NET1: variants seen among roughly 807,000 people sequenced by gnomAD.
The protein encoded by NET1 is neuroepithelial cell transforming 1, also known as neuroepithelial cell-transforming gene 1 protein.
In NET1, 42 loss-of-function variants were observed where a neutral mutation model predicts 61.1. That is an observed-to-expected ratio of 0.69 (90% CI 0.54 to 0.89). The LOEUF (loss-of-function observed/expected upper bound fraction) is 0.89, where lower values mean the gene tolerates loss of function less well. NET1 is among the 40% of genes least tolerant of loss of function. The pLI is 0.00. For synonymous variants in NET1, 254 were observed against 281.8 expected, an observed-to-expected ratio of 0.90 and a Z score of 0.99; for missense variants, 654 against 747.3, an observed-to-expected ratio of 0.88 and a Z score of 1.46.
intron 3 of NET1, among the ~76,000 whole-genome samples, chr10:5,448,189 T>A (rs1447235801): frequency 2.0e-5 from 3 of 152,242 alleles, no homozygotes; most frequent in African/African-American, 4.8e-5. Context: ...CTATTTTTTT[T>A]ATTCAGTGTC....
rs542000374 is a variant in NET1 at position 5,452,028 on chromosome 10, C to T, written c.363+91C>T. ...TCTTTGAGCTGTACAAACAAGTTTG[C>T]ATTATTATATTTAAACATAGTTTTC... On this transcript the variant is annotated intron_variant, in intron 4 of 11. Coordinates refer to ENST00000355029, the MANE Select transcript of NET1 (RefSeq NM_001047160.3). This position sits in a 1 kb window ranked among gnomAD's most constrained non-coding sequence, Gnocchi z 4.0. 3.7e-5 allele frequency: 34 copies of T among 925,936 alleles called. No individual in the cohort carries two copies. In the African/African-American group the frequency reaches 4.6e-4, roughly 13 times the overall value. The allele number at this position is 925,936 out of a possible 1,614,324, so 57.4% of individuals were successfully genotyped here. A position where few individuals can be genotyped will look rare whatever the true frequency, so the allele number is the denominator to read the frequency against.
In NET1 at chr10:5,451,173, G is replaced by A. The variant is rs1038462216; in HGVS notation, c.256-657G>A. Among the ~76,000 whole-genome samples the A allele has an allele frequency of 1.3e-5, 2 of 152,148 alleles. No homozygotes were observed. The highest frequency in any genetic ancestry group is 6.6e-5 in the Admixed American group (1 of 15,266). On this transcript the variant is annotated intron_variant, in intron 3 of 11. Coordinates refer to ENST00000355029, the MANE Select transcript of NET1 (RefSeq NM_001047160.3). This position sits in a 1 kb window ranked among gnomAD's most constrained non-coding sequence, Gnocchi z 6.1. ...TTATAGATGAGAAAACTGATGCCAA[G>A]GGTGTGCCCTAGCAAGTGGTAGAGC...
At chr10:5,433,658 A>G (rs1183469431) in intron 3 of NET1, among the ~76,000 whole-genome samples, 1 of 152,192 alleles carries the variant, frequency 6.6e-6, no homozygotes, top group African/African-American at 2.4e-5. Flanking sequence ...GTTCTGGCAT[A>G]AACTATGTCT....
chr10:5,443,592 G>A lies in NET1; in HGVS notation c.256-8238G>A, dbSNP rs553236150. The stretch of plus-strand genomic sequence containing the variant: ...GATTCTTGAGTCCAGTTGAACTTCC[G>A]CATGTTCATCATTCCTTTTTTAGAT... On this transcript the variant is annotated intron_variant, in intron 3 of 11. Transcript: ENST00000355029. This position sits in a 1 kb window ranked among gnomAD's most constrained non-coding sequence, Gnocchi z 4.8. 2.0e-5 allele frequency among the ~76,000 whole-genome samples: 3 copies of A among 152,202 alleles called. No homozygotes were observed. Among genetic ancestry groups the A allele is most frequent in the Non-Finnish European group, 2.9e-5 (2 of 68,012 alleles).
rs1176294034 is a variant in NET1, at chr10:5,415,438, C to CTTT, written c.128+2619_128+2620insTTT. 4.9e-5 allele frequency among the ~76,000 whole-genome samples: 1 copy of CTTT among 20,368 alleles called. No homozygotes were observed. Among genetic ancestry groups the CTTT allele is most frequent in the African/African-American group, 1.2e-4 (1 of 8,256 alleles). 13.4% of individuals were successfully genotyped at this position (20,368 alleles called of 152,430 possible). On this transcript the variant is annotated intron_variant, in intron 1 of 11. Transcript: ENST00000355029. This position sits in a 1 kb window ranked among gnomAD's most constrained non-coding sequence, Gnocchi z 4.7. ...GCCATTTTTGGTGGGCCATCCTTTG[C>CTTT]TCTTTTTTTTTTTTCTTTTGAGACG... is the stretch of plus-strand genomic sequence containing the variant.
Position 5,435,771 on chromosome 10 carries a change from GTGAT to G in NET1, c.255+6545_255+6548del, listed in dbSNP as rs1832420513. 6.6e-6 allele frequency among the ~76,000 whole-genome samples: 1 copy of G among 152,044 alleles called. No homozygotes were observed. Among genetic ancestry groups the G allele is most frequent in the Admixed American group, 6.5e-5 (1 of 15,270 alleles). Reference sequence around the variant, plus strand: ...TCATTAGCTATTTTGTCTTGAAGCTGTGATTGTTTATCAAATTTTTCTCTAGGTA... The same window carrying G: ...TCATTAGCTATTTTGTCTTGAAGCTGTGTTTATCAAATTTTTCTCTAGGTA... On this transcript the variant is annotated intron_variant, in intron 3 of 11. Transcript: ENST00000355029. This position sits in a 1 kb window ranked among gnomAD's most constrained non-coding sequence, Gnocchi z 5.0.
At position 5,453,426 on chromosome 10, in the gene NET1, G is replaced by A. The variant is rs1202626956; in HGVS notation, c.692-58G>A. 6.3e-7 allele frequency: 1 copy of A among 1,587,866 alleles called. No homozygotes were observed. Among genetic ancestry groups the A allele is most frequent in the East Asian group, 2.2e-5 (1 of 44,748 alleles). ...TTTCAGTCTAAACTTCTAATGTAGT[G>A]CTGACCTATTTTTTAAATAAACCTG... On this transcript the variant is annotated intron_variant, in intron 7 of 11. Coordinates refer to ENST00000355029, the MANE Select transcript of NET1 (RefSeq NM_001047160.3). The surrounding 1 kb of genome is among the most constrained non-coding windows in gnomAD (Gnocchi z 4.9).
At chr10:5,442,855 C>T (rs1278857908) in intron 3 of NET1, among the ~76,000 whole-genome samples, 2 of 131,310 alleles carry the variant, frequency 1.5e-5, no homozygotes, top group Non-Finnish European at 3.2e-5. Flanking sequence ...CCAGCCTGGA[C>T]AACAGAGCAA....
rs558534152 is a variant in NET1, at chr10:5,435,573, C to G, written c.255+6344C>G. 5.3e-4 allele frequency among the ~76,000 whole-genome samples: 80 copies of G among 151,510 alleles called. No homozygotes were observed. Among genetic ancestry groups the G allele is most frequent in the Middle Eastern group, 3.4e-3 (1 of 292 alleles). The stretch of plus-strand genomic sequence containing the variant: ...GATAGATAGATAGATAAAATAGATA[C>G]TCCGTAAATATTGAATTAATGAATG... On this transcript the variant is annotated intron_variant, in intron 3 of 11. Coordinates refer to ENST00000355029, the MANE Select transcript of NET1 (RefSeq NM_001047160.3). The surrounding 1 kb of genome is among the most constrained non-coding windows in gnomAD (Gnocchi z 5.0).
chr10:5,433,814 CTTTTCTA>C (rs1832384079), intron 3 of NET1, among the ~76,000 whole-genome samples: 2 of 151,824 alleles, frequency 1.3e-5, no homozygotes, highest in South Asian at 4.1e-4. Context: ...CTTTTAAAAT[CTTTTCTA>C]TTTATTACTT....
At position 5,452,887 on chromosome 10, in the gene NET1, G is replaced by A. The variant is rs1411060439; in HGVS notation, c.561G>A (p.Gln187=). 2 of 1,613,542 alleles carry A rather than the reference G, an allele frequency of 1.2e-6. No individual in the cohort carries two copies. The highest frequency in any genetic ancestry group is 1.1e-5 in the South Asian group (1 of 90,996). The change falls in exon 6 of 12, where the codon CAG becomes CAA. Residue 187 remains glutamine (Q), a synonymous_variant. Transcript: ENST00000355029. This position sits in a 1 kb window ranked among gnomAD's most constrained non-coding sequence, Gnocchi z 4.0. ...EAIYEMSRGE[Q]DLIEDLKLAR... is the part of the protein sequence containing the mutation. ...TATATGAAATGTCCCGAGGTGAACAGGATTTAATTGAGGATCTCAAACTTG... is the reference window on the plus strand; with the variant it reads ...TATATGAAATGTCCCGAGGTGAACAAGATTTAATTGAGGATCTCAAACTTG...
chr10:5,412,841 G>T lies in NET1; in HGVS notation c.128+21G>T. Reference sequence around the variant, plus strand: ...GGGAGGTGAGTGTGGGGGAGGGGAGGGCCGAACGGGAGGTGAGTGTAGGGG... The same window carrying T: ...GGGAGGTGAGTGTGGGGGAGGGGAGTGCCGAACGGGAGGTGAGTGTAGGGG... On this transcript the variant is annotated intron_variant, in intron 1 of 11. Coordinates refer to ENST00000355029, the MANE Select transcript of NET1 (RefSeq NM_001047160.3). This position sits in a 1 kb window ranked among gnomAD's most constrained non-coding sequence, Gnocchi z 6.5. 2 of 1,347,404 alleles carry T rather than the reference G, an allele frequency of 1.5e-6. No homozygotes were observed. The highest frequency in any genetic ancestry group is 1.7e-5 in the South Asian group (1 of 59,356). 83.5% of individuals were successfully genotyped at this position (1,347,404 alleles called of 1,614,324 possible). A position where few individuals can be genotyped will look rare whatever the true frequency, so the allele number is the denominator to read the frequency against.
intron 3 of NET1, among the ~76,000 whole-genome samples, chr10:5,450,032 G>C (rs1057146190): frequency 6.6e-6 from 1 of 150,602 alleles, no homozygotes; most frequent in Non-Finnish European, 1.5e-5. Flanking sequence ...TAAATGGAAA[G>C]GAATGCCTGT....
At position 5,415,817 on chromosome 10, in the gene NET1, T is replaced by G. The variant is rs556485034; in HGVS notation, c.128+2997T>G. 1.5e-3 allele frequency among the ~76,000 whole-genome samples: 226 copies of G among 152,314 alleles called. No individual in the cohort carries two copies. Among genetic ancestry groups the G allele is most frequent in the Admixed American group, 4.1e-3 (63 of 15,308 alleles). On this transcript the variant is annotated intron_variant, in intron 1 of 11. Coordinates refer to ENST00000355029, the MANE Select transcript of NET1 (RefSeq NM_001047160.3). The surrounding 1 kb of genome is among the most constrained non-coding windows in gnomAD (Gnocchi z 4.7). ...GATACAAGTCCCTTATCAGATAGATTATTTGCAAATATTTTCTCTTATTCT... is the reference window on the plus strand; with the variant it reads ...GATACAAGTCCCTTATCAGATAGATGATTTGCAAATATTTTCTCTTATTCT...
Position 5,444,464 on chromosome 10 carries a change from T to C in NET1, c.256-7366T>C, listed in dbSNP as rs192101478. Reference sequence around the variant, plus strand: ...CACTCTTCAGCCCCTGTAATTTGCCTCTGTCTTTACTCCACTGAAATAGCA... The same window carrying C: ...CACTCTTCAGCCCCTGTAATTTGCCCCTGTCTTTACTCCACTGAAATAGCA... On this transcript the variant is annotated intron_variant, in intron 3 of 11. Transcript: ENST00000355029. The surrounding 1 kb of genome is among the most constrained non-coding windows in gnomAD (Gnocchi z 5.3). Among the ~76,000 whole-genome samples, 2 of 152,348 alleles carry C rather than the reference T, an allele frequency of 1.3e-5. No homozygotes were observed. The highest frequency in any genetic ancestry group is 2.9e-5 in the Non-Finnish European group (2 of 68,032).
At chr10:5,442,403 A>G (rs1404525945) in intron 3 of NET1, among the ~76,000 whole-genome samples, 1 of 150,682 alleles carries the variant, frequency 6.6e-6, no homozygotes, top group South Asian at 2.1e-4. Flanking sequence ...GCTCTAATTT[A>G]TTTCTAAATT....
intron 3 of NET1, among the ~76,000 whole-genome samples, chr10:5,445,907 A>T (rs886231415): frequency 3.3e-5 from 5 of 152,230 alleles, no homozygotes; most frequent in Non-Finnish European, 5.9e-5. Flanking sequence ...ACAATTACAT[A>T]CTATGTATAC....
intron 3 of NET1, among the ~76,000 whole-genome samples, chr10:5,433,152 T>C (rs1471715868): frequency 6.6e-6 from 1 of 152,234 alleles, no homozygotes; most frequent in Non-Finnish European, 1.5e-5. Context: ...TTACGAGCTA[T>C]ACTGTAGACC....
At chr10:5,432,609 CT>C (rs5782828) in intron 3 of NET1, among the ~76,000 whole-genome samples, 106,331 of 151,908 alleles carry the variant, frequency 0.7, 37,409 homozygotes, top group Middle Eastern at 0.75. Flanking sequence ...TTAAATTTAT[CT>C]TATAATTGTG....
Sources: gnomAD v4.1 joint callset for allele counts (sites outside exome capture counted in the v4.1 genomes callset) on GRCh38, gnomAD v4.1.1 for gene constraint, Gnocchi (gnomAD v3.1) non-coding constraint, MANE v1.5 for transcripts, NCBI Gene and HGNC (gene_info 2026-07-23, HGNC 2026-07-21) for gene names.